Variants in FGF14 observed in about 807,000 individuals in gnomAD.
FGF14 encodes the protein fibroblast growth factor homologous factor 4.
FGF14 carries 5 observed loss-of-function variants against 25.5 expected under a neutral mutation model. The observed-to-expected ratio is 0.20, with a 90% CI of 0.10 to 0.41. FGF14 has a LOEUF of 0.41. Ranked by LOEUF, FGF14 falls within the 10% of genes least tolerant of loss-of-function variation. FGF14 has a pLI of 1.00. For synonymous variants in FGF14, 138 were observed against 118.3 expected (o/e 1.17, Z -1.08); for missense variants, 222 against 320.1 (o/e 0.69, Z 2.34).
chr13:102,043,705 T>A (rs978018699), intron 1 of FGF14, among the ~76,000 whole-genome samples: 1 of 152,098 alleles, frequency 6.6e-6, no homozygotes, highest in Non-Finnish European at 1.5e-5. Context: ...ATAAGAAACA[T>A]GAAACTAGAT....
At chr13:102,293,765 G>A (rs545746307) in intron 1 of FGF14, 1 of 152,218 alleles carries the variant, frequency 6.6e-6, no homozygotes, top group African/African-American at 2.4e-5. Context: ...TCTTGTTGCT[G>A]TATAATAAGC....
chr13:102,237,212 T>G (rs1042852743), intron 1 of FGF14, among the ~76,000 whole-genome samples: 2 of 152,158 alleles, frequency 1.3e-5, no homozygotes, highest in African/African-American at 4.8e-5. Flanking sequence ...CCACACACAT[T>G]TGCCGACATT....
At chr13:102,163,725 T>C (rs2047878743) in intron 1 of FGF14, among the ~76,000 whole-genome samples, 1 of 151,862 alleles carries the variant, frequency 6.6e-6, no homozygotes, top group African/African-American at 2.4e-5. Context: ...CAAGGGAGCC[T>C]GGATTGGGAA....
chr13:101,878,035 A>G (rs2045493812), intron 1 of FGF14, among the ~76,000 whole-genome samples: 1 of 152,082 alleles, frequency 6.6e-6, no homozygotes. Flanking sequence ...GGAAATATGC[A>G]GTGACTCTTC....
chr13:101,941,539 A>G (rs958260930), intron 1 of FGF14, among the ~76,000 whole-genome samples: 2 of 152,196 alleles, frequency 1.3e-5, no homozygotes, highest in Non-Finnish European at 2.9e-5. Flanking sequence ...GAGTTGCAGC[A>G]AGACTCCTGA....
chr13:102,239,101 C>A (rs1197765635), intron 1 of FGF14, among the ~76,000 whole-genome samples: 1 of 151,612 alleles, frequency 6.6e-6, no homozygotes, highest in Non-Finnish European at 1.5e-5. Context: ...AAACAAAAAA[C>A]AAAAAACGGT....
rs532396869 is a variant in FGF14, at chr13:102,353,639, A to C, written c.208+47832T>G. Among the ~76,000 whole-genome samples the C allele has an allele frequency of 2.6e-5, 4 of 152,272 alleles. No homozygotes were observed. In the South Asian group the frequency reaches 8.3e-4, roughly 32 times the overall value. The stretch of plus-strand genomic sequence containing the variant: ...TACTCCCACACTCTGCCTTCTTGCA[A>C]AGTAGATGGATCACTTCAATCCATC... On this transcript the variant is annotated intron_variant, in intron 1 of 4. Coordinates refer to the FGF14 transcript ENST00000376131.
intron 1 of FGF14, among the ~76,000 whole-genome samples, chr13:102,147,979 A>C (rs2046922315): frequency 6.6e-6 from 1 of 152,226 alleles, no homozygotes. Context: ...AAATGTCCAA[A>C]ATGTAGCAAT....
chr13:102,399,287 C>T (rs1029963429), intron 1 of FGF14, among the ~76,000 whole-genome samples: 11 of 152,214 alleles, frequency 7.2e-5, no homozygotes, highest in Non-Finnish European at 1.2e-4. Flanking sequence ...TTATTTCCCA[C>T]TCTCCAGTAC....
intron 2 of FGF14, among the ~76,000 whole-genome samples, 159 bp from the exon 3 acceptor site, chr13:101,868,987 G>T (rs2044889231): frequency 6.6e-6 from 1 of 152,190 alleles, no homozygotes; most frequent in South Asian, 2.1e-4. Flanking sequence ...TAAGTAAGAA[G>T]TTTCTGCTAT....
At chr13:102,068,573 G>A (rs2043004788) in intron 1 of FGF14, among the ~76,000 whole-genome samples, 1 of 152,196 alleles carries the variant, frequency 6.6e-6, no homozygotes, top group South Asian at 2.1e-4. Flanking sequence ...CGGAGCAGAC[G>A]GCCGGCCCTG....
chr13:102,080,095 C>T (rs1478275970), intron 1 of FGF14, among the ~76,000 whole-genome samples: 1 of 152,088 alleles, frequency 6.6e-6, no homozygotes, highest in Non-Finnish European at 1.5e-5. Context: ...TTTTCATTGA[C>T]TTGGGAAGCC....
intron 1 of FGF14, among the ~76,000 whole-genome samples, chr13:101,982,091 T>G (rs534534268): frequency 3.3e-4 from 51 of 152,244 alleles, no homozygotes; most frequent in African/African-American, 1.2e-3. Context: ...ACCATAAAAT[T>G]TGACAATCAA....
At chr13:101,969,409 A>C (rs1349138099) in intron 1 of FGF14, among the ~76,000 whole-genome samples, 1 of 145,926 alleles carries the variant, frequency 6.9e-6, no homozygotes, top group African/African-American at 2.8e-5. Context: ...TAAAAATAAC[A>C]AAAAAAAAGA....
intron 1 of FGF14, among the ~76,000 whole-genome samples, chr13:102,314,777 G>C (rs1229324339): frequency 6.6e-6 from 1 of 151,964 alleles, no homozygotes; most frequent in Admixed American, 6.6e-5. Flanking sequence ...ATTAATTCAG[G>C]AATTTCCTGC....
chr13:102,256,099 T>A (rs954312675), intron 1 of FGF14, among the ~76,000 whole-genome samples: 1 of 152,120 alleles, frequency 6.6e-6, no homozygotes, highest in Non-Finnish European at 1.5e-5. Flanking sequence ...AAACTCTAAA[T>A]CAGGATGGAG....
chr13:101,714,242 A>C lies in FGF14; in HGVS notation c.*8589T>G, dbSNP rs2034612089. The C allele has an allele frequency of 3.4e-6, 2 of 587,236 alleles. No individual in the cohort carries two copies. The highest frequency in any genetic ancestry group is 3.0e-5 in the Admixed American group (1 of 33,478). 36.4% of individuals were successfully genotyped at this position (587,236 alleles called of 1,614,324 possible). The stretch of plus-strand genomic sequence containing the variant: ...GCTAATTGCAACTGTCTAGATCCAT[A>C]ATGAAGGCTTTCCTGGGTGACCTTT... On this transcript the variant is annotated 3_prime_UTR_variant, in exon 5 of 5. Transcript: ENST00000376143.
intron 1 of FGF14, among the ~76,000 whole-genome samples, chr13:102,275,922 A>G (rs1371818363): frequency 6.6e-6 from 1 of 152,172 alleles, no homozygotes; most frequent in East Asian, 1.9e-4. Flanking sequence ...TTGTAATCTT[A>G]AATTGAGTTT....
chr13:101,888,959 A>G (rs1020507100), intron 1 of FGF14, among the ~76,000 whole-genome samples: 1 of 152,186 alleles, frequency 6.6e-6, no homozygotes, highest in Middle Eastern at 3.2e-3. Context: ...AAATGAGGTC[A>G]TTAGGTTGGG....
Sources: gnomAD v4.1 joint callset for allele counts (sites outside exome capture counted in the v4.1 genomes callset) on GRCh38, gnomAD v4.1.1 for gene constraint, MANE v1.5 for transcripts, NCBI Gene and HGNC (gene_info 2026-07-23, HGNC 2026-07-21) for gene names.